Variants in CCDC144A observed in about 807,000 individuals in gnomAD.
The protein encoded by CCDC144A is coiled-coil domain-containing protein 144A.
CCDC144A carries 41 observed loss-of-function variants against 143.8 expected under a neutral mutation model. That is an observed-to-expected ratio of 0.29 (90% CI 0.22 to 0.37). The LOEUF (loss-of-function observed/expected upper bound fraction) is 0.37. Among genes scored for constraint, CCDC144A ranks in the 10% least tolerant of loss-of-function variants. CCDC144A has a pLI of 1.00. For synonymous variants in CCDC144A, 242 were observed against 517.9 expected (o/e 0.47, Z 7.23); for missense variants, 637 against 1,488.8 (o/e 0.43, Z 9.41).
intron 14 of CCDC144A, among the ~76,000 whole-genome samples, chr17:16,763,171 G>T (rs148096460): frequency 4.0e-5 from 6 of 151,002 alleles, no homozygotes; most frequent in African/African-American, 1.5e-4. Context: ...ATAACACCTT[G>T]GTCAGCCTGA....
intron 1 of CCDC144A, among the ~76,000 whole-genome samples, chr17:16,691,296 T>C (rs866475863): frequency 8.5e-5 from 13 of 152,284 alleles, no homozygotes; most frequent in Admixed American, 3.3e-4. Context: ...CCTTTTTTCA[T>C]TGCTACCAGA....
chr17:16,764,831 G>T (rs1017453434), intron 15 of CCDC144A: 6 of 150,684 alleles, frequency 4.0e-5, no homozygotes, highest in African/African-American at 1.5e-4. Context: ...TTTTGAAATA[G>T]TTAAATCAAA....
chr17:16,678,717 A>T, the CCDC144A span, among the ~76,000 whole-genome samples: 11 of 141,142 alleles, frequency 7.8e-5, no homozygotes, highest in East Asian at 2.3e-3. Context: ...AGTAGCTGGG[A>T]CTATAGGCAT....
intron 8 of CCDC144A, among the ~76,000 whole-genome samples, chr17:16,726,203 A>G (rs933028094): frequency 4.6e-5 from 7 of 151,298 alleles, no homozygotes; most frequent in African/African-American, 1.7e-4. Flanking sequence ...ACGGTGAAAC[A>G]CCATCTCTAC....
upstream of CCDC144A, among the ~76,000 whole-genome samples, chr17:16,684,880 T>G (rs1239577025): frequency 6.6e-6 from 1 of 152,060 alleles, no homozygotes; most frequent in Non-Finnish European, 1.5e-5. Flanking sequence ...GAGGATGACT[T>G]GAGCTGGGGA....
chr17:16,680,195 G>A, the CCDC144A span, among the ~76,000 whole-genome samples: 1 of 151,952 alleles, frequency 6.6e-6, no homozygotes. Context: ...TTGGGAGGCC[G>A]AGGTGGGAGG....
At chr17:16,689,749 CG>C (rs1184047527), upstream of CCDC144A, 2 of 152,338 alleles carry the variant, frequency 1.3e-5, no homozygotes, top group Non-Finnish European at 2.9e-5. Context: ...GCAGCGGCGT[CG>C]GGCAGGCCCT....
chr17:16,751,774 G>A (rs1158125876), intron 12 of CCDC144A, among the ~76,000 whole-genome samples: 3 of 152,224 alleles, frequency 2.0e-5, no homozygotes, highest in Admixed American at 6.5e-5. Flanking sequence ...GAGGATCCCC[G>A]GGCAGGGCTG....
chr17:16,704,500 A>T (rs1407366382), intron 2 of CCDC144A, among the ~76,000 whole-genome samples: 1 of 152,100 alleles, frequency 6.6e-6, no homozygotes. Context: ...TTTTGTTTAT[A>T]TAGTAAAAAG....
intron 6 of CCDC144A, among the ~76,000 whole-genome samples, chr17:16,719,842 G>T (rs1349068758): frequency 2.0e-5 from 3 of 151,938 alleles, no homozygotes; most frequent in Non-Finnish European, 4.4e-5. Context: ...TGTTTTTATT[G>T]AAAAGGACAA....
At chr17:16,744,216 T>C (rs1279365013) in intron 12 of CCDC144A, among the ~76,000 whole-genome samples, 1 of 152,208 alleles carries the variant, frequency 6.6e-6, no homozygotes, top group African/African-American at 2.4e-5. Context: ...ACTAATGGGA[T>C]TGCTGGGTTG....
chr17:16,690,901 A>G (rs971435233), intron 1 of CCDC144A, among the ~76,000 whole-genome samples, 157 bp downstream of exon 1: 1 of 152,308 alleles, frequency 6.6e-6, no homozygotes, highest in Non-Finnish European at 1.5e-5. Flanking sequence ...TTACTATTGC[A>G]AAAGTGTTGG....
the CCDC144A span, among the ~76,000 whole-genome samples, chr17:16,671,651 T>C: frequency 1.3e-5 from 2 of 152,162 alleles, no homozygotes; most frequent in African/African-American, 4.8e-5. Flanking sequence ...TGGAGACATA[T>C]TGGTCCCTAC....
chr17:16,686,719 T>G (rs534835916), upstream of CCDC144A, among the ~76,000 whole-genome samples: 28 of 150,164 alleles, frequency 1.9e-4, no homozygotes, highest in South Asian at 4.0e-3. Flanking sequence ...CTTGGCTCAC[T>G]GCAACCTCTG....
At chr17:16,682,883 G>GTTTTTTTTTTTTTTTT in the CCDC144A span, among the ~76,000 whole-genome samples, 21 of 46,456 alleles carry the variant, frequency 4.5e-4, 5 homozygotes, top group African/African-American at 5.2e-4. Flanking sequence ...TGGATTCTCT[G>GTTTTTTTTTTTTTTTT]TTTTTTTTTT....
intron 8 of CCDC144A, 101 bp downstream of exon 8, chr17:16,720,759 A>G (rs1913046877): frequency 1.3e-6 from 2 of 1,555,134 alleles, no homozygotes; most frequent in African/African-American, 1.4e-5. Context: ...TCATCTCAGA[A>G]ATACGCTCAG....
upstream of CCDC144A, chr17:16,689,966 G>C (rs1225615083): frequency 1.3e-5 from 2 of 154,822 alleles, no homozygotes; most frequent in Admixed American, 6.5e-5. Context: ...CCGCCACCCC[G>C]AAACCTCCGA....
the CCDC144A span, among the ~76,000 whole-genome samples, chr17:16,676,627 T>C: frequency 6.6e-6 from 1 of 152,052 alleles, no homozygotes; most frequent in Non-Finnish European, 1.5e-5. Flanking sequence ...TGCTGCTTCC[T>C]TTCCTTTCTC....
upstream of CCDC144A, among the ~76,000 whole-genome samples, chr17:16,688,904 G>C (rs191466326): frequency 5.9e-4 from 90 of 152,248 alleles, no homozygotes; most frequent in African/African-American, 1.3e-3. Flanking sequence ...GTCAGAGAGA[G>C]GGATTTGAGA....
Sources: allele counts gnomAD v4.1 joint callset (sites outside exome capture counted in the v4.1 genomes callset), GRCh38; gene constraint gnomAD v4.1.1; transcripts MANE v1.5; gene names NCBI Gene and HGNC (gene_info 2026-07-23, HGNC 2026-07-21).